PIEZO2: variants seen among roughly 807,000 people sequenced by gnomAD.
PIEZO2 encodes the protein piezo type mechanosensitive ion channel component 2, also known as piezo-type mechanosensitive ion channel component 2.
Under a neutral mutation model 337.3 loss-of-function variants are expected in PIEZO2, and 172 were observed. The ratio of observed to expected loss-of-function variants is 0.51; its 90% CI spans 0.45 to 0.58. The LOEUF is 0.58. Ranked by LOEUF, PIEZO2 falls within the 20% of genes least tolerant of loss-of-function variation. PIEZO2 has a pLI of 0.00. For synonymous variants in PIEZO2, 1,251 were observed against 1,228.5 expected, an observed-to-expected ratio of 1.02 and a Z score of -0.38; for missense variants, 3,028 against 3,391.3, an observed-to-expected ratio of 0.89 and a Z score of 2.66.
At chr18:11,135,025 G>T (rs1392326271) in intron 1 of PIEZO2, among the ~76,000 whole-genome samples, 1 of 136,694 alleles carries the variant, frequency 7.3e-6, no homozygotes, top group South Asian at 2.6e-4. Context: ...GGGGAAAGAA[G>T]AAATTAAGTA....
intron 2 of PIEZO2, among the ~76,000 whole-genome samples, chr18:11,056,526 C>G (rs2145874818): frequency 6.6e-6 from 1 of 152,302 alleles, no homozygotes; most frequent in South Asian, 2.1e-4. Context: ...GAGGCCCCAA[C>G]CAGAAATCAG....
At position 10,789,471 on chromosome 18, in the gene PIEZO2, T is replaced by G. The variant is rs757401623; in HGVS notation, c.1883-106A>C. 2.3e-6 allele frequency: 3 copies of G among 1,297,862 alleles called. No individual in the cohort carries two copies. The Admixed American group carries it at 9.0e-5, about 39-fold the overall frequency. 80.4% of individuals were successfully genotyped at this position (1,297,862 alleles called of 1,614,324 possible). A position where few individuals can be genotyped will look rare whatever the true frequency, so the allele number is the denominator to read the frequency against. On this transcript the variant is annotated intron_variant, in intron 14 of 55. Coordinates refer to ENST00000674853, the MANE Select transcript of PIEZO2 (RefSeq NM_001378183.1). ...GTAGAGGCATGCATTTTCTAAGTTA[T>G]TGTATAATTTGGATGATTTTAGACT...
intron 2 of PIEZO2, among the ~76,000 whole-genome samples, chr18:11,039,120 C>T (rs559871425): frequency 2.6e-5 from 4 of 152,274 alleles, no homozygotes; most frequent in South Asian, 2.1e-4. Context: ...AAGGAAAGAA[C>T]AGAACGAATA....
In PIEZO2 at chr18:10,850,730, A is replaced by C. The variant is rs1287370555; in HGVS notation, c.917+4623T>G. On this transcript the variant is annotated intron_variant, in intron 7 of 55. Transcript: ENST00000674853. This position sits in a 1 kb window ranked among gnomAD's most constrained non-coding sequence, Gnocchi z 4.5. The stretch of plus-strand genomic sequence containing the variant: ...AATAGTATGTGCAATATGATTCAAA[A>C]TTTGTTTGTAAAAAGTACCTATAGA... Among the ~76,000 whole-genome samples, 2 of 152,204 alleles carry C rather than the reference A, an allele frequency of 1.3e-5. No homozygotes were observed. The highest frequency in any genetic ancestry group is 4.8e-5 in the African/African-American group (2 of 41,460).
intron 36 of PIEZO2, among the ~76,000 whole-genome samples, chr18:10,722,773 C>T (rs1201577743): frequency 2.0e-5 from 3 of 152,018 alleles, no homozygotes; most frequent in African/African-American, 7.2e-5. Flanking sequence ...TTTAAAACCA[C>T]GAGAGTGGAT....
chr18:10,829,303 C>A (rs570902911), intron 7 of PIEZO2, among the ~76,000 whole-genome samples: 1 of 151,952 alleles, frequency 6.6e-6, no homozygotes, highest in African/African-American at 2.4e-5. Context: ...GAACATACCT[C>A]AACACAATAA....
At chr18:10,803,812 T>C in intron 9 of PIEZO2, 63 bp downstream of exon 9, 1 of 1,522,882 alleles carries the variant, frequency 6.6e-7, no homozygotes, top group Non-Finnish European at 8.8e-7. Flanking sequence ...AAGGCTCATA[T>C]TCAACAGTAA....
At chr18:10,944,378 A>C (rs78804055) in intron 3 of PIEZO2, among the ~76,000 whole-genome samples, 2,438 of 151,728 alleles carry the variant, frequency 0.016, 70 homozygotes, top group African/African-American at 0.055. Context: ...CAGATTGATG[A>C]AATCATCAGT....
intron 5 of PIEZO2, among the ~76,000 whole-genome samples, chr18:10,864,078 C>T (rs1231705851): frequency 6.6e-6 from 1 of 152,196 alleles, no homozygotes; most frequent in Non-Finnish European, 1.5e-5. Context: ...TCTTGGTGCT[C>T]AACAGTTTCC....
At chr18:11,072,667 A>T (rs552139260) in intron 1 of PIEZO2, among the ~76,000 whole-genome samples, 2 of 152,240 alleles carry the variant, frequency 1.3e-5, no homozygotes, top group Non-Finnish European at 2.9e-5. Context: ...TTCTTTTTAC[A>T]TGTGAAGAAG....
chr18:10,919,854 GACAC>G (rs111787556), intron 3 of PIEZO2, among the ~76,000 whole-genome samples: 3 of 151,182 alleles, frequency 2.0e-5, no homozygotes, highest in Admixed American at 6.6e-5. Context: ...GGAAAGTAGA[GACAC>G]ACACACACAC....
At chr18:11,141,044 T>C (rs993714831) in intron 1 of PIEZO2, among the ~76,000 whole-genome samples, 3 of 152,158 alleles carry the variant, frequency 2.0e-5, no homozygotes, top group Non-Finnish European at 4.4e-5. Flanking sequence ...GAAACTTTAA[T>C]AAGCAGAGTT....
At chr18:10,797,337 A>G (rs1361971801) in intron 12 of PIEZO2, 37 bp downstream of exon 12, 12 of 1,281,178 alleles carry the variant, frequency 9.4e-6, no homozygotes, top group Non-Finnish European at 1.3e-5. Context: ...ATCATATTAT[A>G]CATATCATAT....
Position 10,752,636 on chromosome 18 carries a change from T to C in PIEZO2, c.4167A>G (p.Ser1389=). The change falls in exon 28 of 56, where the codon TCA becomes TCG. Residue 1389 remains serine, a splice_region_variant and synonymous_variant. Transcript: ENST00000674853. ...GTGTTATGCAGTGGCAACCACTTACTGACAGGATATTTTTCATCGTAATCA... is the reference window on the plus strand; with the variant it reads ...GTGTTATGCAGTGGCAACCACTTACCGACAGGATATTTTTCATCGTAATCA... The part of the protein sequence containing the change: ...VFVITMKNIL[S]IGACGYIGTL... 1 of 1,537,080 alleles carries C rather than the reference T, an allele frequency of 6.5e-7. No individual in the cohort carries two copies. The highest frequency in any genetic ancestry group is 8.7e-7 in the Non-Finnish European group (1 of 1,146,792).
Position 10,713,559 on chromosome 18 carries a change from C to T in PIEZO2, c.5423+1205G>A, listed in dbSNP as rs554647901. Reference sequence around the variant, plus strand: ...TCTAAAGCCATCCAGGAGTTTCTGACCAGCAGTCAGAGACACCAGTCTCTA... The same window carrying T: ...TCTAAAGCCATCCAGGAGTTTCTGATCAGCAGTCAGAGACACCAGTCTCTA... On this transcript the variant is annotated intron_variant, in intron 39 of 55. Coordinates refer to ENST00000674853, the MANE Select transcript of PIEZO2 (RefSeq NM_001378183.1). The surrounding 1 kb of genome is among the most constrained non-coding windows in gnomAD (Gnocchi z 4.5). Among the ~76,000 whole-genome samples the T allele has an allele frequency of 1.3e-5, 2 of 152,256 alleles. No individual in the cohort carries two copies. Among genetic ancestry groups the T allele is most frequent in the South Asian group, 2.1e-4 (1 of 4,818 alleles).
intron 36 of PIEZO2, among the ~76,000 whole-genome samples, chr18:10,725,751 G>A (rs903480120): frequency 1.3e-5 from 2 of 152,214 alleles, no homozygotes; most frequent in African/African-American, 4.8e-5. Context: ...GGGCTGGTGA[G>A]GCCCTGACAG....
chr18:10,729,851 C>T (rs1233436699), intron 36 of PIEZO2, among the ~76,000 whole-genome samples: 2 of 152,066 alleles, frequency 1.3e-5, no homozygotes, highest in East Asian at 1.9e-4. Context: ...TCATAATGTG[C>T]GTGCCATTTG....
intron 1 of PIEZO2, among the ~76,000 whole-genome samples, chr18:11,122,684 T>C (rs1035674868): frequency 2.0e-5 from 3 of 152,172 alleles, no homozygotes; most frequent in Admixed American, 6.5e-5. Flanking sequence ...TGAGGAGAGA[T>C]AGTCTCAGAG....
Position 11,038,124 on chromosome 18 carries a change from C to T in PIEZO2, c.160+28003G>A, listed in dbSNP as rs2036988621. Among the ~76,000 whole-genome samples the T allele has an allele frequency of 6.6e-6, 1 of 152,158 alleles. No individual in the cohort carries two copies. The highest frequency in any genetic ancestry group is 2.4e-5 in the African/African-American group (1 of 41,444). The stretch of plus-strand genomic sequence containing the variant: ...AAAACATTGTAAAAGATACTCTGCA[C>T]ACTTTAAGAGAACTCTAGTAAAATT... On this transcript the variant is annotated intron_variant, in intron 2 of 55. Coordinates refer to ENST00000674853, the MANE Select transcript of PIEZO2 (RefSeq NM_001378183.1). The surrounding 1 kb of genome is among the most constrained non-coding windows in gnomAD (Gnocchi z 4.1).
Sources: gnomAD v4.1 joint callset for allele counts (sites outside exome capture counted in the v4.1 genomes callset) on GRCh38, gnomAD v4.1.1 for gene constraint, Gnocchi (gnomAD v3.1) non-coding constraint, MANE v1.5 for transcripts, NCBI Gene and HGNC (gene_info 2026-07-23, HGNC 2026-07-21) for gene names.